CTSH: variants seen among roughly 807,000 people sequenced by gnomAD.
CTSH encodes the protein pro-cathepsin H.
A neutral mutation model predicts 56.3 loss-of-function variants in CTSH; 52 were observed. That is an observed-to-expected ratio of 0.92 (90% CI 0.74 to 1.16). The LOEUF (loss-of-function observed/expected upper bound fraction) is 1.16. Ranked by LOEUF, CTSH falls within the 50% of genes most tolerant of loss-of-function variation. The probability of loss-of-function intolerance (pLI) is 0.00; values close to 1 mark genes in which losing one functional copy is unlikely to be tolerated. For missense variants in CTSH, 406 were observed against 424.5 expected (o/e 0.96, Z 0.38); for synonymous variants, 174 against 155.7 (o/e 1.12, Z -0.88).
intron 5 of CTSH, 36 bp downstream of exon 5, chr15:78,934,942 G>T: frequency 7.1e-7 from 1 of 1,404,604 alleles, no homozygotes; most frequent in Non-Finnish European, 1.0e-6. Flanking sequence ...GAGTGTGGCC[G>T]TTTTGCAGGG....
intron 4 of CTSH, 50 bp from the exon 5 acceptor site, chr15:78,935,132 C>A (rs147551459): frequency 8.1e-7 from 1 of 1,237,488 alleles, no homozygotes; most frequent in South Asian, 1.2e-5. Flanking sequence ...AAACCAAAAA[C>A]CTTTCTGACA....
intron 1 of CTSH, among the ~76,000 whole-genome samples, chr15:78,944,342 C>T (rs2055350866): frequency 6.6e-6 from 1 of 152,204 alleles, no homozygotes. Flanking sequence ...CTCCACCTGA[C>T]GCCATGGGCC....
At chr15:78,943,147 T>C (rs775967220) in intron 1 of CTSH, among the ~76,000 whole-genome samples, 13 of 152,154 alleles carry the variant, frequency 8.5e-5, no homozygotes, top group Non-Finnish European at 1.9e-4. Context: ...TGGTGAACCG[T>C]GCCTTACCCT....
At chr15:78,944,638 A>G (rs939180875) in intron 1 of CTSH, 1 of 487,754 alleles carries the variant, frequency 2.1e-6, no homozygotes, top group African/African-American at 2.0e-5. Flanking sequence ...TAGGCTGGAG[A>G]GCCACCTGGC....
rs976956895 is a variant in CTSH, at chr15:78,922,181, C to G, written c.957G>C (p.Lys319Asn). The G allele has an allele frequency of 1.9e-5, 30 of 1,583,040 alleles. No individual in the cohort carries two copies. The highest frequency in any genetic ancestry group is 1.4e-4 in the Admixed American group (8 of 55,414). The part of the protein sequence containing the change: ...MNGYFLIERG[K>N]NMCGLAACAS... Reference sequence around the variant, plus strand: ...CGCAGGCAGCCAGGCCACACATGTTCTTTCCGCGCTCGATGAGGAAGTACC... The same window carrying G: ...CGCAGGCAGCCAGGCCACACATGTTGTTTCCGCGCTCGATGAGGAAGTACC... The change falls in exon 12 of 12, where the codon AAG becomes AAC. Residue 319 changes from lysine (K) to asparagine (N), a missense_variant. By Grantham distance (94) the Lys-to-Asn change is moderately conservative. Coordinates refer to ENST00000220166, the MANE Select transcript of CTSH (RefSeq NM_004390.5).
At chr15:78,935,378 G>A (rs1004686112) in intron 4 of CTSH, among the ~76,000 whole-genome samples, 1 of 152,216 alleles carries the variant, frequency 6.6e-6, no homozygotes, top group African/African-American at 2.4e-5. Context: ...TATATCCTGT[G>A]CAATATTTAG....
chr15:78,929,226 G>A (rs1449691052), intron 8 of CTSH, among the ~76,000 whole-genome samples, 186 bp downstream of exon 8: 1 of 152,014 alleles, frequency 6.6e-6, no homozygotes, highest in Non-Finnish European at 1.5e-5. Context: ...GAGGCCCCTG[G>A]ACTGGTGAGA....
intron 8 of CTSH, among the ~76,000 whole-genome samples, chr15:78,929,062 A>G (rs1398665823): frequency 6.6e-6 from 1 of 152,184 alleles, no homozygotes; most frequent in East Asian, 1.9e-4. Context: ...CAAGAGGCCA[A>G]CTGCATGGAC....
rs1360383219 is a variant in CTSH, at chr15:78,939,294, A to C, written c.92-123T>G. 5.7e-6 allele frequency: 4 copies of C among 699,672 alleles called. No homozygotes were observed. The East Asian group carries it at 1.2e-4, about 20-fold the overall frequency. The allele number at this position is 699,672 out of a possible 1,614,324, so 43.3% of individuals were successfully genotyped here. A position where few individuals can be genotyped will look rare whatever the true frequency, so the allele number is the denominator to read the frequency against. On this transcript the variant is annotated intron_variant, in intron 1 of 11. Coordinates refer to ENST00000220166, the MANE Select transcript of CTSH (RefSeq NM_004390.5). Reference sequence around the variant, plus strand: ...ACTGGACTAAATTTAAAACACCAAAAATGGTGTTATATAATGCAGAATGCA... The same window carrying C: ...ACTGGACTAAATTTAAAACACCAAACATGGTGTTATATAATGCAGAATGCA...
Position 78,944,987 on chromosome 15 carries a change from C to T in CTSH, c.-6G>A. On this transcript the variant is annotated 5_prime_UTR_variant, in exon 1 of 12. Transcript: ENST00000220166. ...AGCGGCAGCGTGGCCCACATCGCAG[C>T]GCTGGCGGCTTGGCTCTTGCGCTCA... 3 of 1,530,828 alleles carry T rather than the reference C, an allele frequency of 2.0e-6. No homozygotes were observed. The highest frequency in any genetic ancestry group is 2.6e-6 in the Non-Finnish European group (3 of 1,139,754). The allele number at this position is 1,530,828 out of a possible 1,614,324, so 94.8% of individuals were successfully genotyped here.
At position 78,921,410 on chromosome 15, in the gene CTSH, A is replaced by C. The variant is rs991748150; in HGVS notation, c.*720T>G. 6.6e-6 allele frequency: 1 copy of C among 152,212 alleles called. No homozygotes were observed. Among genetic ancestry groups the C allele is most frequent in the Non-Finnish European group, 1.5e-5 (1 of 68,082 alleles). The allele number at this position is 152,212 out of a possible 1,614,324, so 9.4% of individuals were successfully genotyped here. On this transcript the variant is annotated 3_prime_UTR_variant, in exon 12 of 12. Coordinates refer to ENST00000220166, the MANE Select transcript of CTSH (RefSeq NM_004390.5). ...AGGGGTTGGTGAGGAAGGGGTGGGCAGTCTCATGTGGAGGTGGGGGGCAGA... is the reference window on the plus strand; with the variant it reads ...AGGGGTTGGTGAGGAAGGGGTGGGCCGTCTCATGTGGAGGTGGGGGGCAGA...
At position 78,925,456 on chromosome 15, in the gene CTSH, C is replaced by T. The variant is rs770508872; in HGVS notation, c.700-16G>A. On this transcript the variant is annotated splice_polypyrimidine_tract_variant and intron_variant, in intron 9 of 11. Coordinates refer to ENST00000220166, the MANE Select transcript of CTSH (RefSeq NM_004390.5). ...CCTCGTCATACTGTGGAAACAGGAC[C>T]GAGACAGAAACACATGGCCTGTCAC... The T allele has an allele frequency of 1.8e-5, 28 of 1,564,224 alleles. No individual in the cohort carries two copies. In the Admixed American group the frequency reaches 1.8e-4, roughly 10 times the overall value.
intron 8 of CTSH, 56 bp downstream of exon 8, chr15:78,929,356 A>G: frequency 7.6e-7 from 1 of 1,323,874 alleles, no homozygotes; most frequent in South Asian, 1.2e-5. Context: ...CTGGGGAGGG[A>G]GTGAAGCTAG....
intron 3 of CTSH, among the ~76,000 whole-genome samples, chr15:78,936,635 C>CT (rs796354073): frequency 3.7e-4 from 50 of 135,384 alleles, no homozygotes; most frequent in Admixed American, 7.1e-4. Context: ...GTGTGAGTTT[C>CT]TTTTTTTTTT....
chr15:78,930,302 G>T (rs898159311), intron 7 of CTSH, among the ~76,000 whole-genome samples: 1 of 152,192 alleles, frequency 6.6e-6, no homozygotes, highest in African/African-American at 2.4e-5. Flanking sequence ...AAGGTGGGTG[G>T]ATCACCTGAG....
chr15:78,926,771 C>T (rs1235763300), intron 9 of CTSH: 1 of 152,178 alleles, frequency 6.6e-6, no homozygotes, highest in Non-Finnish European at 1.5e-5. Flanking sequence ...TTGGAGCCCC[C>T]GTTTCCTCAC....
chr15:78,938,776 G>T (rs1432860719), intron 2 of CTSH, among the ~76,000 whole-genome samples: 1 of 152,182 alleles, frequency 6.6e-6, no homozygotes, highest in Non-Finnish European at 1.5e-5. Flanking sequence ...TATATACTCA[G>T]TAGTAGGCTT....
In CTSH at chr15:78,937,724, G is replaced by T. The variant is rs779260818; in HGVS notation, c.124-301C>A. ...GGCACTCCTGGACGCCACTGCTGGT[G>T]CTGGGTCAAGTTTACAGCAAAGATC... On this transcript the variant is annotated intron_variant, in intron 2 of 11. Coordinates refer to ENST00000220166, the MANE Select transcript of CTSH (RefSeq NM_004390.5). 1.8e-5 allele frequency: 24 copies of T among 1,354,364 alleles called. No individual in the cohort carries two copies. The South Asian group carries it at 2.8e-4, about 16-fold the overall frequency. 83.9% of individuals were successfully genotyped at this position (1,354,364 alleles called of 1,614,324 possible). A position where few individuals can be genotyped will look rare whatever the true frequency, so the allele number is the denominator to read the frequency against.
intron 9 of CTSH, 94 bp from the exon 10 acceptor site, chr15:78,925,534 C>CAAAAGGCTGTA: frequency 1.3e-6 from 1 of 796,182 alleles, no homozygotes. Context: ...GGGCTAGAGG[C>CAAAAGGCTGTA]CCAGAGCAGC....
Sources: allele counts gnomAD v4.1 joint callset (sites outside exome capture counted in the v4.1 genomes callset), GRCh38; gene constraint gnomAD v4.1.1; transcripts MANE v1.5; gene names NCBI Gene and HGNC (gene_info 2026-07-23, HGNC 2026-07-21).